Variants in RUNX2 observed in about 807,000 individuals in gnomAD.
The protein encoded by RUNX2 is runt-related transcription factor 2.
In RUNX2, 10 loss-of-function variants were observed where a neutral mutation model predicts 51.7. The ratio of observed to expected loss-of-function variants is 0.19; its 90% CI spans 0.12 to 0.33. The LOEUF is 0.33. Ranked by LOEUF, RUNX2 falls within the 10% of genes least tolerant of loss-of-function variation. The pLI, the probability that RUNX2 is intolerant of heterozygous loss-of-function variation, is 1.00. For synonymous variants in RUNX2, 276 were observed against 273.6 expected, an observed-to-expected ratio of 1.01 and a Z score of -0.09; for missense variants, 562 against 691.3, an observed-to-expected ratio of 0.81 and a Z score of 2.10.
At chr6:45,482,632 A>G (rs1800148621) in intron 5 of RUNX2, among the ~76,000 whole-genome samples, 1 of 152,208 alleles carries the variant, frequency 6.6e-6, no homozygotes, top group African/African-American at 2.4e-5. Context: ...AGTGAACTTT[A>G]TGTCACTGGT....
chr6:45,540,090 A>T (rs535165098), intron 7 of RUNX2, among the ~76,000 whole-genome samples: 1 of 152,242 alleles, frequency 6.6e-6, no homozygotes, highest in African/African-American at 2.4e-5. Flanking sequence ...AGCTCCCGTG[A>T]GTGTCCTGAG....
chr6:45,382,678 C>T (rs1479256784), intron 2 of RUNX2, among the ~76,000 whole-genome samples: 1 of 152,130 alleles, frequency 6.6e-6, no homozygotes, highest in East Asian at 1.9e-4. Context: ...AAGCACTAGG[C>T]CAGATGGTGA....
At chr6:45,420,307 T>C (rs1798152368) in intron 2 of RUNX2, among the ~76,000 whole-genome samples, 1 of 152,154 alleles carries the variant, frequency 6.6e-6, no homozygotes, top group African/African-American at 2.4e-5. Flanking sequence ...CCTCATGCTC[T>C]CAGAGCCCTT....
At chr6:45,480,407 T>C (rs1021317927) in intron 5 of RUNX2, among the ~76,000 whole-genome samples, 1 of 152,248 alleles carries the variant, frequency 6.6e-6, no homozygotes, top group Non-Finnish European at 1.5e-5. Context: ...TGTTTAATCA[T>C]GTTTAAACAA....
Position 45,454,424 on chromosome 6 carries a change from A to T in RUNX2, c.685+16373A>T, listed in dbSNP as rs531718166. ...TGGCACAAACTGACCAGAGGAAGGA[A>T]ATCTGATGATCTAGATAGATGCCTT... On this transcript the variant is annotated intron_variant, in intron 5 of 8. Transcript: ENST00000647337. Among the ~76,000 whole-genome samples, 4 of 152,358 alleles carry T rather than the reference A, an allele frequency of 2.6e-5. No individual in the cohort carries two copies. The East Asian group carries it at 7.7e-4, about 29-fold the overall frequency.
Position 45,495,914 on chromosome 6 carries a change from C to T in RUNX2, c.859+3800C>T, listed in dbSNP as rs376708842. The stretch of plus-strand genomic sequence containing the variant: ...TAACTTCAGTCTGATTCTGTATTCC[C>T]TCCCTGGTATCTTTGCAGTGCTTGT... On this transcript the variant is annotated intron_variant, in intron 6 of 8. Coordinates refer to ENST00000647337, the MANE Select transcript of RUNX2 (RefSeq NM_001024630.4). 1.4e-4 allele frequency among the ~76,000 whole-genome samples: 21 copies of T among 152,310 alleles called. No individual in the cohort carries two copies. The East Asian group carries it at 2.5e-3, about 18-fold the overall frequency.
intron 2 of RUNX2, among the ~76,000 whole-genome samples, chr6:45,361,003 T>G (rs1794153337): frequency 6.6e-6 from 1 of 152,196 alleles, no homozygotes; most frequent in African/African-American, 2.4e-5. Flanking sequence ...CTGGGCACAG[T>G]GGCACATGCC....
chr6:45,414,043 A>G (rs942219421), intron 2 of RUNX2, among the ~76,000 whole-genome samples: 1 of 152,238 alleles, frequency 6.6e-6, no homozygotes, highest in Non-Finnish European at 1.5e-5. Context: ...TCAAAGTATT[A>G]AATAATGAGG....
chr6:45,395,944 G>A (rs1245896812), intron 2 of RUNX2, among the ~76,000 whole-genome samples: 9 of 152,132 alleles, frequency 5.9e-5, no homozygotes, highest in African/African-American at 2.2e-4. Context: ...GGGATTATAG[G>A]CATGAGTTAC....
intron 5 of RUNX2, among the ~76,000 whole-genome samples, chr6:45,450,809 A>G (rs949425167): frequency 3.3e-5 from 5 of 152,214 alleles, no homozygotes; most frequent in Admixed American, 1.3e-4. Context: ...GTGAGAGGGC[A>G]TTAGCAATGC....
intron 2 of RUNX2, among the ~76,000 whole-genome samples, chr6:45,387,282 G>A (rs1038344913): frequency 6.6e-6 from 1 of 152,154 alleles, no homozygotes; most frequent in Admixed American, 6.5e-5. Flanking sequence ...ATGACAAGTA[G>A]CAAACTGGAA....
chr6:45,412,901 A>T (rs1377343475), intron 2 of RUNX2, among the ~76,000 whole-genome samples: 3 of 152,090 alleles, frequency 2.0e-5, no homozygotes, highest in African/African-American at 7.2e-5. Flanking sequence ...GTGTGCCACC[A>T]CACTCGGCTG....
intron 2 of RUNX2, among the ~76,000 whole-genome samples, chr6:45,365,775 A>C (rs1795029947): frequency 6.6e-6 from 1 of 151,416 alleles, no homozygotes; most frequent in Non-Finnish European, 1.5e-5. Context: ...TAAAGAAACA[A>C]TTCCACAGCT....
chr6:45,347,681 T>G (rs1197429616), intron 2 of RUNX2, among the ~76,000 whole-genome samples: 1 of 152,084 alleles, frequency 6.6e-6, no homozygotes, highest in Non-Finnish European at 1.5e-5. Context: ...CATAATCCTG[T>G]GAGATTATTC....
chr6:45,460,303 G>A (rs923306619), intron 5 of RUNX2, among the ~76,000 whole-genome samples: 1 of 152,190 alleles, frequency 6.6e-6, no homozygotes, highest in Admixed American at 6.5e-5. Context: ...TATTCAGGCA[G>A]CAAAGGACTC....
rs768076425 is a variant in RUNX2, at chr6:45,512,325, G to T, written c.939G>T (p.Pro313=). 8 of 1,614,004 alleles carry T rather than the reference G, an allele frequency of 5.0e-6. No individual in the cohort carries two copies. The East Asian group carries it at 1.6e-4, about 31-fold the overall frequency. ...YPSYLSQMTS[P]SIHSTTPLSS... ...CCTACCTGAGCCAGATGACGTCCCC[G>T]TCCATCCACTCTACCACCCCGCTGT... is the stretch of plus-strand genomic sequence containing the variant. The change falls in exon 7 of 9, where the codon CCG becomes CCT. Residue 313 remains proline, a synonymous_variant. Transcript: ENST00000647337.
At chr6:45,539,849 T>A (rs1289933666) in intron 7 of RUNX2, among the ~76,000 whole-genome samples, 1 of 152,190 alleles carries the variant, frequency 6.6e-6, no homozygotes, top group African/African-American at 2.4e-5. Flanking sequence ...CCTCTTTAGT[T>A]GGAAAATGAA....
intron 2 of RUNX2, among the ~76,000 whole-genome samples, chr6:45,354,440 CG>C (rs1792710499): frequency 6.6e-6 from 1 of 152,218 alleles, no homozygotes; most frequent in South Asian, 2.1e-4. Context: ...GTGTATGCCT[CG>C]CTTGGAAAGG....
intron 5 of RUNX2, among the ~76,000 whole-genome samples, chr6:45,446,866 A>G (rs555351250): frequency 6.6e-5 from 10 of 152,348 alleles, no homozygotes; most frequent in Middle Eastern, 3.4e-3. Flanking sequence ...CATAAAAACC[A>G]TTTAGGTCTA....
Sources: gnomAD v4.1 joint callset for allele counts (sites outside exome capture counted in the v4.1 genomes callset) on GRCh38, gnomAD v4.1.1 for gene constraint, MANE v1.5 for transcripts, NCBI Gene and HGNC (gene_info 2026-07-23, HGNC 2026-07-21) for gene names.